Variants in PLCB1 observed in about 807,000 individuals in gnomAD.
PLCB1 encodes phospholipase C beta 1, also known as 1-phosphatidylinositol 4,5-bisphosphate phosphodiesterase beta-1.
Under a neutral mutation model 161.8 loss-of-function variants are expected in PLCB1, and 46 were observed. The observed-to-expected ratio is 0.28, with a 90% CI of 0.22 to 0.36. The LOEUF is 0.36. PLCB1 is among the 10% of genes least tolerant of loss of function. The pLI is 1.00. For missense variants in PLCB1, 1,016 were observed against 1,472.5 expected (o/e 0.69, Z 5.07); for synonymous variants, 517 against 503.7 (o/e 1.03, Z -0.35).
intron 2 of PLCB1, among the ~76,000 whole-genome samples, chr20:8,233,432 C>T (rs918052579): frequency 6.6e-6 from 1 of 152,108 alleles, no homozygotes; most frequent in Admixed American, 6.6e-5. Context: ...GTTTACATTT[C>T]TATTTAAAGT....
chr20:8,728,405 G>C (rs1980056341), intron 17 of PLCB1, among the ~76,000 whole-genome samples: 1 of 151,964 alleles, frequency 6.6e-6, no homozygotes, highest in African/African-American at 2.4e-5. Context: ...AGATTCTTAG[G>C]ATAGAAAACT....
chr20:8,700,688 TG>T (rs1990681953), intron 11 of PLCB1, among the ~76,000 whole-genome samples: 1 of 152,066 alleles, frequency 6.6e-6, no homozygotes, highest in Non-Finnish European at 1.5e-5. Context: ...TCATCCCAGT[TG>T]GTTTTTCCAG....
intron 3 of PLCB1, among the ~76,000 whole-genome samples, chr20:8,573,654 G>A (rs1222007653): frequency 6.6e-6 from 1 of 152,166 alleles, no homozygotes; most frequent in Non-Finnish European, 1.5e-5. Context: ...TCTGTAAAAA[G>A]ACCAAGTTCT....
At chr20:8,573,647 G>A (rs940846056) in intron 3 of PLCB1, among the ~76,000 whole-genome samples, 1 of 152,176 alleles carries the variant, frequency 6.6e-6, no homozygotes, top group African/African-American at 2.4e-5. Context: ...TGACCTCTCT[G>A]TAAAAAGACC....
chr20:8,266,180 C>G (rs970030852), intron 2 of PLCB1, among the ~76,000 whole-genome samples: 82 of 152,330 alleles, frequency 5.4e-4, no homozygotes, highest in African/African-American at 2.0e-3. Context: ...GCTTACAACA[C>G]TTACTTGTAG....
At chr20:8,609,169 G>A (rs912628655) in intron 3 of PLCB1, among the ~76,000 whole-genome samples, 2 of 152,124 alleles carry the variant, frequency 1.3e-5, no homozygotes, top group African/African-American at 4.8e-5. Context: ...TGGAAATGAG[G>A]CTACAGATTT....
Position 8,174,581 on chromosome 20 carries a change from A to G in PLCB1, c.177+24210A>G, listed in dbSNP as rs116673754. Among the ~76,000 whole-genome samples, 349 of 152,360 alleles carry G rather than the reference A, an allele frequency of 2.3e-3. 2 individuals are homozygous for G. The highest frequency in any genetic ancestry group is 8.0e-3 in the African/African-American group (334 of 41,588). ...AAGCAATAGACCATCCTATGCCTCA[A>G]CAGTTTGTAAATTATATTTGATGGT... On this transcript the variant is annotated intron_variant, in intron 2 of 31. Transcript: ENST00000338037.
intron 31 of PLCB1, among the ~76,000 whole-genome samples, chr20:8,866,778 C>G (rs1600103587): frequency 2.0e-5 from 3 of 152,090 alleles, no homozygotes; most frequent in African/African-American, 7.2e-5. Context: ...GGGGAGAATT[C>G]AAGCACAACA....
At chr20:8,557,362 G>A (rs1985998349) in intron 3 of PLCB1, among the ~76,000 whole-genome samples, 1 of 152,006 alleles carries the variant, frequency 6.6e-6, no homozygotes, top group Non-Finnish European at 1.5e-5. Flanking sequence ...ATATGATTCA[G>A]CCTTCAAAAA....
rs965084093 is a variant in PLCB1, at chr20:8,340,290, C to G, written c.178-31092C>G. On this transcript the variant is annotated intron_variant, in intron 2 of 31. Coordinates refer to ENST00000338037, the MANE Select transcript of PLCB1 (RefSeq NM_015192.4). ...ACTTTAAAGCTCCTGCTAGCTTGAG[C>G]TGGGGCTCTTTGGATTTCCTGTTTC... Among the ~76,000 whole-genome samples the G allele has an allele frequency of 2.0e-5, 3 of 152,196 alleles. No individual in the cohort carries two copies. The South Asian group carries it at 6.2e-4, about 31-fold the overall frequency.
At chr20:8,495,388 C>CTTTTTGTTTTTTTTTT (rs1983119129) in intron 3 of PLCB1, among the ~76,000 whole-genome samples, 1 of 94,364 alleles carries the variant, frequency 1.1e-5, no homozygotes, top group African/African-American at 4.5e-5. Flanking sequence ...ACCTTCCTTT[C>CTTTTTGTTTTTTTTTT]TTTTTTTTTT....
At chr20:8,603,777 A>G (rs1987670919) in intron 3 of PLCB1, among the ~76,000 whole-genome samples, 1 of 152,210 alleles carries the variant, frequency 6.6e-6, no homozygotes, top group African/African-American at 2.4e-5. Context: ...TCTACCACTT[A>G]ACATTAACAG....
At chr20:8,436,271 G>A (rs1315267745) in intron 3 of PLCB1, among the ~76,000 whole-genome samples, 1 of 150,600 alleles carries the variant, frequency 6.6e-6, no homozygotes, top group Admixed American at 6.6e-5. Flanking sequence ...GAAGGCAGAG[G>A]TTGCACTGAG....
chr20:8,561,683 A>G (rs1725955602), intron 3 of PLCB1, among the ~76,000 whole-genome samples: 1 of 152,032 alleles, frequency 6.6e-6, no homozygotes, highest in African/African-American at 2.4e-5. Context: ...CAACTGCTCA[A>G]TTTGCATGAG....
chr20:8,648,455 T>C (rs1278643618), intron 6 of PLCB1, among the ~76,000 whole-genome samples: 2 of 152,218 alleles, frequency 1.3e-5, no homozygotes, highest in African/African-American at 4.8e-5. Flanking sequence ...CCTGTGGGAC[T>C]GGTGAGCACC....
At chr20:8,541,796 G>A (rs1286034127) in intron 3 of PLCB1, among the ~76,000 whole-genome samples, 1 of 152,180 alleles carries the variant, frequency 6.6e-6, no homozygotes. Flanking sequence ...ATACTGACCT[G>A]CAAGCAATGT....
At chr20:8,705,133 A>G (rs1001902803) in intron 11 of PLCB1, among the ~76,000 whole-genome samples, 1 of 152,132 alleles carries the variant, frequency 6.6e-6, no homozygotes, top group Non-Finnish European at 1.5e-5. Context: ...ATGTTTAACG[A>G]AATATCTGGG....
At chr20:8,698,601 T>G (rs1336657564) in intron 11 of PLCB1, among the ~76,000 whole-genome samples, 1 of 152,208 alleles carries the variant, frequency 6.6e-6, no homozygotes, top group African/African-American at 2.4e-5. Context: ...GTTGGGTTTG[T>G]TTGCTCATAC....
At chr20:8,144,835 TG>T (rs150322569) in intron 1 of PLCB1, among the ~76,000 whole-genome samples, 1 of 152,334 alleles carries the variant, frequency 6.6e-6, no homozygotes, top group African/African-American at 2.4e-5. Flanking sequence ...TTACTTTTCC[TG>T]TTGACTCTGT....
Sources: gnomAD v4.1 joint callset for allele counts (sites outside exome capture counted in the v4.1 genomes callset) on GRCh38, gnomAD v4.1.1 for gene constraint, MANE v1.5 for transcripts, NCBI Gene and HGNC (gene_info 2026-07-23, HGNC 2026-07-21) for gene names.